The following RNF145 variants were observed in gnomAD, a reference collection of about 807,000 sequenced individuals.
The protein encoded by RNF145 is ring finger protein 145.
A neutral mutation model predicts 57.3 loss-of-function variants in RNF145; 12 were observed. The observed-to-expected ratio is 0.21, with a 90% CI of 0.13 to 0.34. The LOEUF is 0.34. RNF145 is among the 10% of genes least tolerant of loss of function. RNF145 has a pLI of 1.00. For synonymous variants in RNF145, 262 were observed against 288.3 expected, an observed-to-expected ratio of 0.91 and a Z score of 0.92; for missense variants, 429 against 799.0, an observed-to-expected ratio of 0.54 and a Z score of 5.58.
In RNF145 at chr5:159,201,044, CT is replaced by C. The variant is rs1299442524; in HGVS notation, c.184+2389del. Among the ~76,000 whole-genome samples the C allele has an allele frequency of 1.2e-4, 19 of 152,258 alleles. 1 individual carries two copies. The East Asian group carries it at 3.5e-3, about 28-fold the overall frequency. ...AAATAGTAAAACCCTATGGAAAGTA[CT>C]ATCTGTCAACACTACAAATATATAT... On this transcript the variant is annotated intron_variant, in intron 2 of 10. Transcript: ENST00000424310.
At chr5:159,170,365 T>C (rs1784506749) in intron 6 of RNF145, among the ~76,000 whole-genome samples, 1 of 152,204 alleles carries the variant, frequency 6.6e-6, no homozygotes, top group South Asian at 2.1e-4. Flanking sequence ...AAAGGGTTAC[T>C]TCAAAAGCAT....
In RNF145 at chr5:159,158,997, A is replaced by G; in HGVS notation, c.1665T>C (p.Phe555=). The G allele has an allele frequency of 1.9e-6, 3 of 1,613,964 alleles. No homozygotes were observed. The highest frequency in any genetic ancestry group is 1.7e-5 in the Admixed American group (1 of 60,018). ...ATTTCTTAAGACAGCCTGCATGGAAAAAATGACTGCAAGGCGTGATCACAG... is the reference window on the plus strand; with the variant it reads ...ATTTCTTAAGACAGCCTGCATGGAAGAAATGACTGCAAGGCGTGATCACAG... ...KSAVITPCSH[F]FHAGCLKKWL... Residue 555 remains phenylalanine (F), a synonymous_variant, in exon 11 of 11, where the codon TTT becomes TTC. Coordinates refer to ENST00000424310, the MANE Select transcript of RNF145 (RefSeq NM_001199383.2).
chr5:159,166,271 G>A lies in RNF145; in HGVS notation c.1121+2602C>T, dbSNP rs191686812. 5.2e-3 allele frequency among the ~76,000 whole-genome samples: 788 copies of A among 152,182 alleles called. 4 individuals carry two copies. The highest frequency in any genetic ancestry group is 0.018 in the African/African-American group (739 of 41,512). On this transcript the variant is annotated intron_variant, in intron 8 of 10. Transcript: ENST00000424310. ...TGTCCCTTTCTCTTACTGATGTGTA[G>A]GAGCGATTCTTGATCAGGAGTGCAT...
chr5:159,178,407 G>C (rs1584681907), intron 4 of RNF145, among the ~76,000 whole-genome samples: 1 of 152,002 alleles, frequency 6.6e-6, no homozygotes, highest in African/African-American at 2.4e-5. Context: ...TTTGTTTTCA[G>C]TGATCTATTC....
chr5:159,207,534 C>T, intron 1 of RNF145: 1 of 1,569,112 alleles, frequency 6.4e-7, no homozygotes, highest in East Asian at 2.3e-5. Context: ...TCAACTAAAA[C>T]TGATCTTAAG....
intron 6 of RNF145, among the ~76,000 whole-genome samples, chr5:159,173,016 A>G (rs896740534): frequency 6.6e-6 from 1 of 152,238 alleles, no homozygotes; most frequent in African/African-American, 2.4e-5. Context: ...GGAAAAAATA[A>G]CAAATGTGGA....
chr5:159,187,476 T>C (rs142309044), intron 3 of RNF145, among the ~76,000 whole-genome samples: 1,534 of 151,960 alleles, frequency 0.01, 31 homozygotes, highest in African/African-American at 0.034. Flanking sequence ...TATAGGTGCC[T>C]GCCACCATGC....
chr5:159,186,253 A>C (rs1394263501), intron 3 of RNF145, among the ~76,000 whole-genome samples: 1 of 152,112 alleles, frequency 6.6e-6, no homozygotes, highest in African/African-American at 2.4e-5. Flanking sequence ...GAAAAAGAAA[A>C]GGGCCTCAGA....
intron 3 of RNF145, among the ~76,000 whole-genome samples, chr5:159,188,916 A>T (rs1785182571): frequency 6.6e-6 from 1 of 152,178 alleles, no homozygotes; most frequent in Non-Finnish European, 1.5e-5. Context: ...TTTTTCTATA[A>T]GCTAGTTTTT....
chr5:159,184,236 T>C (rs1223293387), intron 3 of RNF145, among the ~76,000 whole-genome samples: 5 of 152,264 alleles, frequency 3.3e-5, no homozygotes, highest in Non-Finnish European at 7.3e-5. Flanking sequence ...CATTTGTTAA[T>C]TGTTCTGCAT....
At position 159,209,404 on chromosome 5, in the gene RNF145, G is replaced by A. The variant is rs1002771049; in HGVS notation, c.-213C>T. 2.2e-5 allele frequency: 22 copies of A among 982,102 alleles called. No homozygotes were observed. The highest frequency in any genetic ancestry group is 5.2e-4 in the Middle Eastern group (1 of 1,912). 60.8% of individuals were successfully genotyped at this position (982,102 alleles called of 1,614,324 possible). On this transcript the variant is annotated 5_prime_UTR_variant, in exon 1 of 11. Transcript: ENST00000424310. ...AGCCTCGGATGTTGCTTCTGGGGAG[G>A]CGGAGGCAGCGGCAGCGGCAGCGGC...
intron 9 of RNF145, 24 bp downstream of exon 9, chr5:159,162,908 A>G: frequency 6.4e-7 from 1 of 1,564,292 alleles, no homozygotes; most frequent in Non-Finnish European, 8.6e-7. Flanking sequence ...GTTATTATAT[A>G]GAGTTAATTA....
intron 8 of RNF145, among the ~76,000 whole-genome samples, chr5:159,164,500 TAC>T (rs912762232): frequency 7.9e-5 from 12 of 152,276 alleles, no homozygotes; most frequent in African/African-American, 2.6e-4. Context: ...GAAATGTATA[TAC>T]AACAATGTTA....
Position 159,158,353 on chromosome 5 carries a change from T to A in RNF145, c.*317A>T. 6.6e-6 allele frequency: 2 copies of A among 302,722 alleles called. No individual in the cohort carries two copies. Among genetic ancestry groups the A allele is most frequent in the South Asian group, 8.8e-5 (2 of 22,708 alleles). The allele number at this position is 302,722 out of a possible 1,614,324, so 18.8% of individuals were successfully genotyped here. ...CTCAGTCCCTTCAACACTCAAAATC[T>A]GATTTTATTTCTCTCTCACACGTAT... On this transcript the variant is annotated 3_prime_UTR_variant, in exon 11 of 11. Coordinates refer to ENST00000424310, the MANE Select transcript of RNF145 (RefSeq NM_001199383.2).
At chr5:159,183,965 T>C (rs1039769786) in intron 3 of RNF145, among the ~76,000 whole-genome samples, 3 of 152,194 alleles carry the variant, frequency 2.0e-5, no homozygotes, top group Non-Finnish European at 4.4e-5. Flanking sequence ...CACTTTAAAA[T>C]GATTAATTTT....
chr5:159,209,643 C>CA (rs1786044210), upstream of RNF145: 1 of 1,020,636 alleles, frequency 9.8e-7, no homozygotes. Flanking sequence ...CGCTCACTCA[C>CA]AATCGCGCCC....
chr5:159,169,659 T>C lies in RNF145; in HGVS notation c.938+20A>G, dbSNP rs750490096. The C allele has an allele frequency of 6.4e-7, 1 of 1,556,034 alleles. No homozygotes were observed. On this transcript the variant is annotated intron_variant, in intron 7 of 10. Coordinates refer to ENST00000424310, the MANE Select transcript of RNF145 (RefSeq NM_001199383.2). ...TCTATAGTATTTACATTTCTAGATATAATCAAGGAAAGAACTTACCGATTC... is the reference window on the plus strand; with the variant it reads ...TCTATAGTATTTACATTTCTAGATACAATCAAGGAAAGAACTTACCGATTC...
chr5:159,189,759 C>T (rs1049178560), intron 3 of RNF145, among the ~76,000 whole-genome samples: 1 of 152,090 alleles, frequency 6.6e-6, no homozygotes, highest in Non-Finnish European at 1.5e-5. Flanking sequence ...GGAATATGGA[C>T]AGAAAAAGAA....
rs1223591708 is a variant in RNF145 at position 159,207,427 on chromosome 5, A to G, written c.-40+1804T>C. On this transcript the variant is annotated intron_variant, in intron 1 of 10. Coordinates refer to ENST00000424310, the MANE Select transcript of RNF145 (RefSeq NM_001199383.2). Reference sequence around the variant, plus strand: ...CCAACTTAAAACTATTCAGTACAATACTTCTACACCTTCCCCCTAAAAAAG... The same window carrying G: ...CCAACTTAAAACTATTCAGTACAATGCTTCTACACCTTCCCCCTAAAAAAG... 4 of 1,217,934 alleles carry G rather than the reference A, an allele frequency of 3.3e-6. No homozygotes were observed. The African/African-American group carries it at 6.0e-5, about 18-fold the overall frequency. The allele number at this position is 1,217,934 out of a possible 1,614,324, so 75.4% of individuals were successfully genotyped here.
Sources: gnomAD v4.1 joint callset for allele counts (sites outside exome capture counted in the v4.1 genomes callset) on GRCh38, gnomAD v4.1.1 for gene constraint, MANE v1.5 for transcripts, NCBI Gene and HGNC (gene_info 2026-07-23, HGNC 2026-07-21) for gene names.